DYNC1I2: variants seen among roughly 807,000 people sequenced by gnomAD.
The protein encoded by DYNC1I2 is dynein cytoplasmic 1 intermediate chain 2.
Under a neutral mutation model 88.6 loss-of-function variants are expected in DYNC1I2, and 53 were observed. The observed-to-expected ratio is 0.60, with a 90% confidence interval of 0.48 to 0.75. The LOEUF (loss-of-function observed/expected upper bound fraction) is 0.75, where lower values mean the gene tolerates loss of function less well. DYNC1I2 is among the 30% of genes least tolerant of loss of function. DYNC1I2 has a pLI of 0.00. For synonymous variants in DYNC1I2, 198 were observed against 254.6 expected, an observed-to-expected ratio of 0.78 and a Z score of 2.12; for missense variants, 458 against 766.6, an observed-to-expected ratio of 0.60 and a Z score of 4.75.
At chr2:171,723,495 C>T (rs963394661) in intron 7 of DYNC1I2, among the ~76,000 whole-genome samples, 1 of 152,160 alleles carries the variant, frequency 6.6e-6, no homozygotes, top group Non-Finnish European at 1.5e-5. Context: ...TATTTTGTTA[C>T]ATTACACCTG....
At position 171,707,091 on chromosome 2, in the gene DYNC1I2, TC is replaced by T. The variant is rs1438803107; in HGVS notation, c.245-195del. On this transcript the variant is annotated intron_variant, in intron 4 of 17. Transcript: ENST00000397119. Reference sequence around the variant, plus strand: ...TTTGCCAGAAAAATTGCATGAATCTTCAGCATGCATTGTTAACTTTTTGTCT... The same window carrying T: ...TTTGCCAGAAAAATTGCATGAATCTTAGCATGCATTGTTAACTTTTTGTCT... 1.6e-5 allele frequency: 12 copies of T among 736,560 alleles called. No homozygotes were observed. In the East Asian group the frequency reaches 3.3e-4, roughly 21 times the overall value. 45.6% of individuals were successfully genotyped at this position (736,560 alleles called of 1,614,324 possible).
chr2:171,725,823 T>C, intron 8 of DYNC1I2, 96 bp from the exon 9 acceptor site: 4 of 1,308,496 alleles, frequency 3.1e-6, no homozygotes, highest in Non-Finnish European at 3.1e-6. Flanking sequence ...TGAATCTGAT[T>C]GAAAAATAAT....
chr2:171,707,532 G>GA (rs1464775300), intron 5 of DYNC1I2, among the ~76,000 whole-genome samples, 155 bp downstream of exon 5: 8 of 150,722 alleles, frequency 5.3e-5, no homozygotes, highest in Middle Eastern at 3.2e-3. Flanking sequence ...GACACTGGGA[G>GA]AAAAAAAAGG....
chr2:171,734,114 G>A (rs1442860419), intron 15 of DYNC1I2, among the ~76,000 whole-genome samples: 2 of 152,066 alleles, frequency 1.3e-5, no homozygotes, highest in South Asian at 2.1e-4. Flanking sequence ...GTAGGTGTGC[G>A]GTCTTATTTC....
intron 4 of DYNC1I2, chr2:171,706,861 C>G (rs748830785): frequency 1.8e-4 from 74 of 400,878 alleles, no homozygotes; most frequent in Non-Finnish European, 2.7e-4. Context: ...GATTAAATAA[C>G]TTAATGAAAC....
At chr2:171,703,268 C>T (rs1275182932) in intron 3 of DYNC1I2, among the ~76,000 whole-genome samples, 2 of 152,180 alleles carry the variant, frequency 1.3e-5, no homozygotes, top group Non-Finnish European at 2.9e-5. Flanking sequence ...CAGGGCCTCA[C>T]TCTGTTACCC....
intron 2 of DYNC1I2, among the ~76,000 whole-genome samples, chr2:171,692,091 A>T (rs1005071318): frequency 1.3e-5 from 2 of 152,168 alleles, no homozygotes; most frequent in Non-Finnish European, 2.9e-5. Flanking sequence ...AGATTTACAT[A>T]AAAAAAACTT....
intron 2 of DYNC1I2, among the ~76,000 whole-genome samples, chr2:171,692,170 T>G (rs529614252): frequency 6.6e-6 from 1 of 152,262 alleles, no homozygotes; most frequent in Admixed American, 6.5e-5. Context: ...TTTATCTAGT[T>G]TAACCAGCAG....
chr2:171,702,972 G>A (rs1198940067), intron 3 of DYNC1I2, among the ~76,000 whole-genome samples: 1 of 152,228 alleles, frequency 6.6e-6, no homozygotes, highest in Non-Finnish European at 1.5e-5. Context: ...CGATCCTCCT[G>A]CCTTGACCTT....
rs912297986 is a variant in DYNC1I2, at chr2:171,739,851, G to A, written c.1537-4198G>A. 2.6e-5 allele frequency among the ~76,000 whole-genome samples: 4 copies of A among 151,662 alleles called. No individual in the cohort carries two copies. The South Asian group carries it at 6.3e-4, about 24-fold the overall frequency. On this transcript the variant is annotated intron_variant, in intron 15 of 17. Coordinates refer to ENST00000397119, the MANE Select transcript of DYNC1I2 (RefSeq NM_001378.3). ...CTCCTGAGTAGCTGGGATCACAGGC[G>A]CCCGCCACCATGCCTGGCTAATTTT...
intron 17 of DYNC1I2, among the ~76,000 whole-genome samples, 198 bp from the exon 18 acceptor site, chr2:171,747,578 G>C (rs953699487): frequency 1.3e-5 from 2 of 152,150 alleles, no homozygotes; most frequent in Admixed American, 1.3e-4. Context: ...TTCTGAGGCT[G>C]TCACAACACA....
intron 15 of DYNC1I2, among the ~76,000 whole-genome samples, chr2:171,735,569 G>A (rs1006174091): frequency 1.2e-4 from 19 of 152,186 alleles, no homozygotes; most frequent in African/African-American, 3.6e-4. Context: ...AACCTGTATA[G>A]AAGACAAACA....
chr2:171,691,035 A>AT (rs1685369593), intron 2 of DYNC1I2, among the ~76,000 whole-genome samples: 1 of 152,134 alleles, frequency 6.6e-6, no homozygotes, highest in Admixed American at 6.5e-5. Flanking sequence ...TTATCTGAAT[A>AT]TTTTGCTAGT....
At chr2:171,720,907 G>T (rs541074418) in intron 7 of DYNC1I2, among the ~76,000 whole-genome samples, 2 of 152,096 alleles carry the variant, frequency 1.3e-5, no homozygotes, top group East Asian at 3.9e-4. Context: ...CCTGGCCTCA[G>T]AAAAATATAA....
chr2:171,737,947 A>G (rs190154353), intron 15 of DYNC1I2, among the ~76,000 whole-genome samples: 3 of 152,144 alleles, frequency 2.0e-5, no homozygotes, highest in East Asian at 1.9e-4. Context: ...ACATTTAGCA[A>G]TCTTTTATAT....
intron 7 of DYNC1I2, among the ~76,000 whole-genome samples, chr2:171,723,809 C>G (rs1456642937): frequency 6.6e-6 from 1 of 152,190 alleles, no homozygotes; most frequent in Non-Finnish European, 1.5e-5. Context: ...AGCAGGGTCA[C>G]TGAGATCACT....
chr2:171,696,443 T>C (rs1038716543), intron 3 of DYNC1I2, among the ~76,000 whole-genome samples: 2 of 152,236 alleles, frequency 1.3e-5, no homozygotes, highest in Admixed American at 1.3e-4. Flanking sequence ...CCAAACATTT[T>C]GGGTAAGGGA....
chr2:171,733,629 T>C (rs1242722169), intron 15 of DYNC1I2, among the ~76,000 whole-genome samples: 1 of 151,798 alleles, frequency 6.6e-6, no homozygotes, highest in East Asian at 1.9e-4. Flanking sequence ...TCTAATGGGG[T>C]TGTTTTCTTG....
Position 171,710,826 on chromosome 2 carries a change from C to T in DYNC1I2, c.336-1941C>T, listed in dbSNP as rs1687069173. The stretch of plus-strand genomic sequence containing the variant: ...CAAGCAACTCTCCTGCCTCAGTCTC[C>T]CCAGTAGCTGGGATTGCAGGTGTGT... On this transcript the variant is annotated intron_variant, in intron 5 of 17. Coordinates refer to ENST00000397119, the MANE Select transcript of DYNC1I2 (RefSeq NM_001378.3). Among the ~76,000 whole-genome samples the T allele has an allele frequency of 2.6e-5, 4 of 151,704 alleles. No individual in the cohort carries two copies. In the South Asian group the frequency reaches 8.4e-4, roughly 32 times the overall value.
Sources: allele counts gnomAD v4.1 joint callset (sites outside exome capture counted in the v4.1 genomes callset), GRCh38; gene constraint gnomAD v4.1.1; transcripts MANE v1.5; gene names NCBI Gene and HGNC (gene_info 2026-07-23, HGNC 2026-07-21).